The following MYO15B variants were observed in gnomAD, a reference collection of about 807,000 sequenced individuals.
MYO15B encodes myosin XVB.
In MYO15B, 207 loss-of-function variants were observed where a neutral mutation model predicts 119.3. The observed-to-expected ratio is 1.73, with a 90% CI of 1.55 to 1.95. MYO15B has a LOEUF of 1.95. Ranked by LOEUF, MYO15B falls within the 30% of genes most tolerant of loss-of-function variation. MYO15B has a pLI of 0.00. For synonymous variants in MYO15B, 966 were observed against 498.9 expected (o/e 1.94, Z -12.48); for missense variants, 2,264 against 1,203.1 (o/e 1.88, Z -13.04).
intron 55 of MYO15B, 36 bp downstream of exon 55, chr17:75,624,100 G>C: frequency 1.4e-6 from 1 of 702,874 alleles, no homozygotes; most frequent in African/African-American, 1.7e-5. Context: ...GAGAGGCAGG[G>C]GTTTCTAGGA....
exon 22 of MYO15B, chr17:75,610,172 G>T: frequency 2.9e-6 from 2 of 699,428 alleles, no homozygotes; most frequent in Non-Finnish European, 5.2e-6. Flanking sequence ...CCAGGAAGCG[G>T]TACCTCCGGC....
chr17:75,606,089 G>A (rs1598805796), intron 21 of MYO15B, 68 bp downstream of exon 21: 1 of 616,254 alleles, frequency 1.6e-6, no homozygotes, highest in East Asian at 2.8e-5. Context: ...TCCAGGTGGT[G>A]GGGCAGGGTT....
intron 24 of MYO15B, 106 bp from the exon 25 acceptor site, chr17:75,611,780 T>A: frequency 1.4e-6 from 1 of 693,140 alleles, no homozygotes; most frequent in Admixed American, 2.0e-5. Flanking sequence ...ATCACTTGGG[T>A]CCCTGTGGAC....
intron 53 of MYO15B, among the ~76,000 whole-genome samples, chr17:75,622,722 G>T (rs2058778089): frequency 1.3e-5 from 2 of 152,242 alleles, no homozygotes; most frequent in African/African-American, 4.8e-5. Flanking sequence ...CAGCAAGGGA[G>T]AAGCAGAAGA....
chr17:75,617,174 C>G, exon 41 of MYO15B: 3 of 692,530 alleles, frequency 4.3e-6, no homozygotes, highest in Non-Finnish European at 7.9e-6. Flanking sequence ...CTAGCTCCAT[C>G]AAGGAAAAGC....
At chr17:75,605,330 G>A (rs1223769021) in intron 19 of MYO15B, among the ~76,000 whole-genome samples, 174 bp from the exon 20 acceptor site, 1 of 152,088 alleles carries the variant, frequency 6.6e-6, no homozygotes, top group East Asian at 1.9e-4. Context: ...CCAGCTACTA[G>A]GGAGGCTGAG....
chr17:75,626,819 C>A, exon 64 of MYO15B: 1 of 462,240 alleles, frequency 2.2e-6, no homozygotes, highest in East Asian at 4.0e-5. Context: ...GGAGAAACAG[C>A]TGCTGAGGAA....
In MYO15B at chr17:75,591,841, GGC is replaced by G; in HGVS notation, c.2547+131_2547+132del. On this transcript the variant is annotated intron_variant, in intron 5 of 63. Transcript: ENST00000645453. ...GGAGAGGGGTGGTCTCCAGGCCTCT[GGC>G]GTCTCCTGGGGTCAGCTGCAGGCAC... The G allele has an allele frequency of 1.3e-5, 9 of 671,866 alleles. No individual in the cohort carries two copies. In the South Asian group the frequency reaches 1.4e-4, roughly 11 times the overall value. The allele number at this position is 671,866 out of a possible 1,614,324, so 41.6% of individuals were successfully genotyped here.
exon 14 of MYO15B, chr17:75,596,821 G>A (rs1276646003): frequency 1.4e-6 from 1 of 702,878 alleles, no homozygotes; most frequent in South Asian, 1.5e-5. Flanking sequence ...AGCCTCCGAG[G>A]GAGTCCTGCC....
chr17:75,588,523 G>A (rs1286812017), exon 1 of MYO15B: 2 of 398,500 alleles, frequency 5.0e-6, no homozygotes, highest in East Asian at 3.6e-5. Flanking sequence ...TGGGGACGGA[G>A]GCAGCTCCTG....
exon 64 of MYO15B, chr17:75,626,769 G>A: frequency 3.7e-6 from 2 of 540,330 alleles, no homozygotes; most frequent in Admixed American, 3.3e-5. Flanking sequence ...CCCGACCCCA[G>A]GCTCCGCCCA....
exon 45 of MYO15B, chr17:75,619,415 G>T: frequency 1.4e-6 from 1 of 702,726 alleles, no homozygotes; most frequent in Non-Finnish European, 2.6e-6. Context: ...GTCAAGAAGC[G>T]CATCGTGGTG....
intron 53 of MYO15B, 130 bp downstream of exon 53, chr17:75,622,210 G>A (rs539158895): frequency 2.7e-5 from 17 of 632,958 alleles, no homozygotes; most frequent in Non-Finnish European, 4.9e-5. Context: ...ATTGCGTGCA[G>A]GGGGGTGTGG....
chr17:75,614,699 G>A lies in MYO15B; in HGVS notation c.5482+16G>A, dbSNP rs572615443. On this transcript the variant is annotated intron_variant, in intron 31 of 63. Coordinates refer to ENST00000645453, the Ensembl canonical transcript of MYO15B. ...GACCACACAGGTAAGGCTGGAGTGG[G>A]CACATGGAGGTTGGCAGAGCATGGG... 4 of 702,434 alleles carry A rather than the reference G, an allele frequency of 5.7e-6. No homozygotes were observed. The highest frequency in any genetic ancestry group is 1.0e-5 in the Non-Finnish European group (4 of 384,914). 43.5% of individuals were successfully genotyped at this position (702,434 alleles called of 1,614,324 possible).
exon 62 of MYO15B, chr17:75,625,936 C>G: frequency 1.4e-6 from 1 of 702,602 alleles, no homozygotes. Context: ...TCTCCTGGGG[C>G]TCAACCGCCA....
At chr17:75,592,162 T>C (rs1395817777) in intron 6 of MYO15B, 76 bp from the exon 7 acceptor site, 20 of 701,094 alleles carry the variant, frequency 2.9e-5, no homozygotes, top group Non-Finnish European at 5.2e-5. Flanking sequence ...GTCCAGACCC[T>C]GGTAGGGCTT....
Position 75,612,782 on chromosome 17 carries a change from C to G in MYO15B, c.4636-16C>G. On this transcript the variant is annotated splice_polypyrimidine_tract_variant and intron_variant, in intron 25 of 63. Coordinates refer to ENST00000645453, the Ensembl canonical transcript of MYO15B. ...ATAGCTGGTGAGCATGGACTGAGCC[C>G]TCTCCTTCCTTGCAGGAACCGTCCC... 1.4e-6 allele frequency: 1 copy of G among 703,018 alleles called. No individual in the cohort carries two copies. Among genetic ancestry groups the G allele is most frequent in the Non-Finnish European group, 2.6e-6 (1 of 384,988 alleles). The allele number at this position is 703,018 out of a possible 1,614,324, so 43.5% of individuals were successfully genotyped here. A position where few individuals can be genotyped will look rare whatever the true frequency, so the allele number is the denominator to read the frequency against.
chr17:75,607,191 A>C (rs2057710863), intron 21 of MYO15B: 1 of 379,684 alleles, frequency 2.6e-6, no homozygotes, highest in African/African-American at 2.1e-5. Flanking sequence ...TCATCCCGCA[A>C]ACAGAAACTC....
chr17:75,605,149 C>T (rs1012081016), intron 19 of MYO15B, among the ~76,000 whole-genome samples: 1 of 145,100 alleles, frequency 6.9e-6, no homozygotes, highest in Non-Finnish European at 1.5e-5. Context: ...AAAAAAAAAA[C>T]CAAAAAGGCC....
Sources: allele counts gnomAD v4.1 joint callset (sites outside exome capture counted in the v4.1 genomes callset), GRCh38; gene constraint gnomAD v4.1.1; transcripts MANE v1.5; gene names NCBI Gene and HGNC (gene_info 2026-07-23, HGNC 2026-07-21).